BCLAF3: variants seen among roughly 807,000 people sequenced by gnomAD.
The protein encoded by BCLAF3 is BCLAF1 and THRAP3 family member 3.
BCLAF3 carries 24 observed loss-of-function variants against 51.2 expected under a neutral mutation model. The observed-to-expected ratio is 0.47, with a 90% CI of 0.34 to 0.66. The LOEUF is 0.66. BCLAF3 is among the 30% of genes least tolerant of loss of function. The pLI is 0.01. For synonymous variants in BCLAF3, 152 were observed against 176.6 expected (o/e 0.86, Z 1.10); for missense variants, 465 against 525.1 (o/e 0.89, Z 1.12).
chrX:19,965,324 C>T lies in BCLAF3; in HGVS notation c.994G>A (p.Glu332Lys). The T allele has an allele frequency of 8.3e-7, 1 of 1,211,710 alleles. No individual in the cohort carries two copies. Among genetic ancestry groups the T allele is most frequent in the Non-Finnish European group, 1.1e-6 (1 of 895,498 alleles). Residue 332 changes from glutamate to lysine, a missense_variant, in exon 4 of 12, where the codon GAG becomes AAG. Transcript: ENST00000379682. ...TCTTTGACTTGTCCATCTTGAGTCTCTCTCCCTCTTCCAGTATTAAAACAA... is the reference window on the plus strand; with the variant it reads ...TCTTTGACTTGTCCATCTTGAGTCTTTCTCCCTCTTCCAGTATTAAAACAA... ...LDCFNTGRGR[E>K]TQDGQVKEPF... is the part of the protein sequence containing the mutation.
rs752688024 is a variant in BCLAF3 at position 19,952,995 on chromosome X, G to A, written c.1622C>T (p.Ser541Leu). The A allele has an allele frequency of 9.1e-6, 11 of 1,203,819 alleles. No homozygotes were observed. The East Asian group carries it at 1.2e-4, about 13-fold the overall frequency. The change falls in exon 7 of 12, where the codon TCG becomes TTG. Residue 541 changes from serine (S) to leucine (L), a missense_variant. Transcript: ENST00000379682. Reference protein sequence around the residue: ...LQSKQAVIYESEQTLIKIIDP... With the variant: ...LQSKQAVIYELEQTLIKIIDP... ...AAAATTGTATTCACTAACCTGTTCC[G>A]ATTCATAGATCACAGCTTGTTTACT...
At chrX:19,917,358 TA>T in intron 11 of BCLAF3, 24 bp from the exon 12 acceptor site, 1 of 1,156,693 alleles carries the variant, frequency 8.6e-7, no homozygotes, top group South Asian at 1.9e-5. Flanking sequence ...ACAAGAGAAA[TA>T]AAGACTTCAA....
chrX:19,974,178 A>G (rs1297789966), intron 1 of BCLAF3, among the ~76,000 whole-genome samples: 18 of 112,390 alleles, frequency 1.6e-4, no homozygotes, highest in Non-Finnish European at 2.1e-4. Context: ...TCATTGGGAA[A>G]AACTTCACAT....
chrX:19,938,311 C>T (rs2070854182), intron 8 of BCLAF3, among the ~76,000 whole-genome samples: 1 of 111,428 alleles, frequency 9.0e-6, no homozygotes, highest in African/African-American at 3.3e-5. Flanking sequence ...CCACACTCCT[C>T]ATCGTGACCC....
chrX:19,937,966 G>A (rs1330370536), intron 8 of BCLAF3, among the ~76,000 whole-genome samples: 1 of 111,692 alleles, frequency 9.0e-6, no homozygotes, highest in Non-Finnish European at 1.9e-5. Context: ...CCATTCAACA[G>A]AGGCAAGGTG....
At chrX:19,935,668 C>T in intron 10 of BCLAF3, 141 bp downstream of exon 10, 2 of 493,285 alleles carry the variant, frequency 4.1e-6, no homozygotes, top group Non-Finnish European at 7.0e-6. Context: ...TTACAGTTAA[C>T]TATAAATGTC....
chrX:19,946,423 C>T (rs943641778), intron 8 of BCLAF3, among the ~76,000 whole-genome samples: 2 of 111,827 alleles, frequency 1.8e-5, no homozygotes, highest in Non-Finnish European at 1.9e-5. Context: ...CAGCCTGGTT[C>T]CCTGATGTGT....
chrX:19,941,122 GT>G (rs1379325041), intron 8 of BCLAF3, among the ~76,000 whole-genome samples: 2 of 109,410 alleles, frequency 1.8e-5, no homozygotes, highest in East Asian at 5.7e-4. Flanking sequence ...GGGGTTGTTT[GT>G]TTTTTTCTTG....
chrX:19,955,243 T>TA lies in BCLAF3; in HGVS notation c.1450+147dup, dbSNP rs1246340013. 4 of 387,538 alleles carry TA rather than the reference T, an allele frequency of 1.0e-5. No homozygotes were observed. In the East Asian group the frequency reaches 1.8e-4, roughly 18 times the overall value. 31.9% of individuals were successfully genotyped at this position (387,538 alleles called of 1,213,427 possible). On this transcript the variant is annotated intron_variant, in intron 5 of 11. Coordinates refer to ENST00000379682, the MANE Select transcript of BCLAF3 (RefSeq NM_001367774.2). ...CAACTAGGCTCGAATGAATGCCTGA[T>TA]ACTCTCTTCAAAAGATTTCCTAATT...
intron 8 of BCLAF3, among the ~76,000 whole-genome samples, chrX:19,944,527 C>A (rs1462869268): frequency 1.4e-5 from 1 of 73,300 alleles, no homozygotes; most frequent in East Asian, 3.2e-4. Context: ...TTCTCCTTCA[C>A]TTATGAAGCT....
chrX:19,949,966 A>C (rs1569505131), intron 8 of BCLAF3, among the ~76,000 whole-genome samples: 1 of 111,568 alleles, frequency 9.0e-6, no homozygotes, highest in Non-Finnish European at 1.9e-5. Flanking sequence ...AACTAGAGAT[A>C]AACTGGGGTT....
At chrX:19,925,817 C>A (rs2070338498) in intron 11 of BCLAF3, among the ~76,000 whole-genome samples, 1 of 112,051 alleles carries the variant, frequency 8.9e-6, no homozygotes, top group African/African-American at 3.2e-5. Context: ...TCAGTTTATA[C>A]ACATGGAATG....
At chrX:19,938,578 G>A (rs1037313691) in intron 8 of BCLAF3, among the ~76,000 whole-genome samples, 3 of 111,979 alleles carry the variant, frequency 2.7e-5, no homozygotes, top group African/African-American at 9.7e-5. Flanking sequence ...TCTATTTTTA[G>A]TAGACACGGG....
At chrX:19,926,498 C>T (rs1280118628) in intron 11 of BCLAF3, among the ~76,000 whole-genome samples, 1 of 110,748 alleles carries the variant, frequency 9.0e-6, no homozygotes, top group Non-Finnish European at 1.9e-5. Flanking sequence ...CAAACTGAGG[C>T]AAACAAAAGA....
intron 2 of BCLAF3, among the ~76,000 whole-genome samples, chrX:19,969,186 A>G (rs1013796979): frequency 8.9e-6 from 1 of 112,856 alleles, no homozygotes; most frequent in Non-Finnish European, 1.9e-5. Flanking sequence ...TCACTTCTAT[A>G]CATTCCCTTT....
rs748679368 is a variant in BCLAF3 at position 19,990,922 on chromosome X, C to CCCGCCGCCGCCGCCG, written c.-64_-50dup. 1.4e-3 allele frequency among the ~76,000 whole-genome samples: 116 copies of CCCGCCGCCGCCGCCG among 84,585 alleles called. 1 individual carries two copies. The highest frequency in any genetic ancestry group is 4.4e-3 in the African/African-American group (98 of 22,236). The allele number at this position is 84,585 out of a possible 115,157, so 73.5% of individuals were successfully genotyped here. ...GAGCCGCTCACCCGGCCGGGAAGCC[C>CCCGCCGCCGCCGCCG]CCGCCGCCGCCGCCGCCGCCGCCGC... On this transcript the variant is annotated 5_prime_UTR_variant, in exon 1 of 12. Coordinates refer to ENST00000379682, the MANE Select transcript of BCLAF3 (RefSeq NM_001367774.2).
At chrX:19,973,427 A>T (rs1248016104) in intron 1 of BCLAF3, among the ~76,000 whole-genome samples, 1 of 111,884 alleles carries the variant, frequency 8.9e-6, no homozygotes, top group Admixed American at 9.5e-5. Flanking sequence ...TAATAACCCA[A>T]ATGCTCAACA....
intron 1 of BCLAF3, among the ~76,000 whole-genome samples, chrX:19,990,087 G>C (rs769197749): frequency 1.8e-4 from 19 of 106,179 alleles, no homozygotes; most frequent in Non-Finnish European, 2.9e-4. Flanking sequence ...GCTGCCTGGC[G>C]AGGAGCCTAA....
At chrX:19,953,485 C>T (rs1305483625) in intron 6 of BCLAF3, among the ~76,000 whole-genome samples, 2 of 111,929 alleles carry the variant, frequency 1.8e-5, no homozygotes, top group Non-Finnish European at 3.8e-5. Flanking sequence ...CTACTGAGGA[C>T]CTCAGGAAGC....
Sources: gnomAD v4.1 joint callset for allele counts (sites outside exome capture counted in the v4.1 genomes callset) on GRCh38, gnomAD v4.1.1 for gene constraint, MANE v1.5 for transcripts, NCBI Gene and HGNC (gene_info 2026-07-23, HGNC 2026-07-21) for gene names.